Variants in CLEC1A observed in about 807,000 individuals in gnomAD.
The protein encoded by CLEC1A is C-type lectin domain family 1 member A.
Under a neutral mutation model 28.7 loss-of-function variants are expected in CLEC1A, and 34 were observed. That is an observed-to-expected ratio of 1.18 (90% CI 0.90 to 1.57). The LOEUF is 1.57. CLEC1A is among the 40% of genes most tolerant of loss of function. CLEC1A has a pLI of 0.00. For missense variants in CLEC1A, 385 were observed against 339.5 expected (o/e 1.13, Z -1.05); for synonymous variants, 116 against 121.0 (o/e 0.96, Z 0.27).
chr12:10,079,571 C>T (rs995457772), intron 3 of CLEC1A, among the ~76,000 whole-genome samples: 1 of 151,934 alleles, frequency 6.6e-6, no homozygotes, highest in African/African-American at 2.4e-5. Context: ...CCTGTAATCC[C>T]AGCAGTTGGG....
chr12:10,098,824 T>G lies in CLEC1A; in HGVS notation c.99A>C (p.Pro33=), dbSNP rs1947811830. ...HSQGSATTRH[P]EPRRTEHRAP... ...ACAGGGTACCTGTGCGCCGGGGCTC[T>G]GGATGCCGAGTTGTGGCAGAGCCTT... is the stretch of plus-strand genomic sequence containing the variant. The change falls in exon 1 of 6, where the codon CCA becomes CCC. Residue 33 remains proline (P), a synonymous_variant. Coordinates refer to ENST00000315330, the MANE Select transcript of CLEC1A (RefSeq NM_016511.4). 1 of 1,612,998 alleles carries G rather than the reference T, an allele frequency of 6.2e-7. No individual in the cohort carries two copies. The highest frequency in any genetic ancestry group is 2.2e-5 in the East Asian group (1 of 44,870).
chr12:10,080,311 T>TC (rs550733461), intron 3 of CLEC1A, among the ~76,000 whole-genome samples: 11 of 151,000 alleles, frequency 7.3e-5, no homozygotes, highest in Non-Finnish European at 1.3e-4. Flanking sequence ...AGACTCCATC[T>TC]CCCCCCACCC....
chr12:10,094,170 T>G (rs1947746613), intron 1 of CLEC1A, among the ~76,000 whole-genome samples: 1 of 152,122 alleles, frequency 6.6e-6, no homozygotes, highest in Admixed American at 6.5e-5. Context: ...TATTATTTAC[T>G]GAAATATAAT....
At position 10,081,230 on chromosome 12, in the gene CLEC1A, C is replaced by T. The variant is rs868516572; in HGVS notation, c.391+7G>A. Reference sequence around the variant, plus strand: ...ACATGGGGACAGAGTGACCAGGACACACTTACCTCCAGCTTTGTTATACAG... The same window carrying T: ...ACATGGGGACAGAGTGACCAGGACATACTTACCTCCAGCTTTGTTATACAG... On this transcript the variant is annotated splice_region_variant and intron_variant, in intron 3 of 5. Coordinates refer to ENST00000315330, the MANE Select transcript of CLEC1A (RefSeq NM_016511.4). 19 of 1,563,856 alleles carry T rather than the reference C, an allele frequency of 1.2e-5. 1 individual carries two copies. The Middle Eastern group carries it at 2.4e-3, about 195-fold the overall frequency.
intron 2 of CLEC1A, among the ~76,000 whole-genome samples, chr12:10,088,817 G>T (rs1218993409): frequency 3.3e-5 from 5 of 152,102 alleles, no homozygotes; most frequent in Non-Finnish European, 5.9e-5. Flanking sequence ...GTCTTTTGTG[G>T]AATGGGAGAG....
chr12:10,089,113 C>CGCA lies in CLEC1A; in HGVS notation c.214+8_214+10dup. 6.2e-7 allele frequency: 1 copy of CGCA among 1,604,874 alleles called. No individual in the cohort carries two copies. The highest frequency in any genetic ancestry group is 1.3e-5 in the African/African-American group (1 of 74,864). ...ACCAGGATCCTCCCCCAGGTCAGAGCGCAGACTTACACAAAAGCCCCAGGG... is the reference window on the plus strand; with the variant it reads ...ACCAGGATCCTCCCCCAGGTCAGAGCGCAGCAGACTTACACAAAAGCCCCAGGG... On this transcript the variant is annotated intron_variant, in intron 2 of 5. Coordinates refer to ENST00000315330, the MANE Select transcript of CLEC1A (RefSeq NM_016511.4).
rs1270056415 is a variant in CLEC1A, at chr12:10,098,818, GGGCTCTGGATGCCGA to G, written c.90_104del (p.His32_Arg36del). 2 of 1,612,250 alleles carry G rather than the reference GGGCTCTGGATGCCGA, an allele frequency of 1.2e-6. No homozygotes were observed. The highest frequency in any genetic ancestry group is 2.7e-5 in the African/African-American group (2 of 74,964). ...CAGGAGACAGGGTACCTGTGCGCCGGGGCTCTGGATGCCGAGTTGTGGCAGAGCCTTGAGAATGCA... is the reference window on the plus strand; with the variant it reads ...CAGGAGACAGGGTACCTGTGCGCCGGGTTGTGGCAGAGCCTTGAGAATGCA... On this transcript the variant is annotated inframe_deletion, in exon 1 of 6. Coordinates refer to ENST00000315330, the MANE Select transcript of CLEC1A (RefSeq NM_016511.4).
At chr12:10,093,769 G>T (rs1455501416) in intron 1 of CLEC1A, among the ~76,000 whole-genome samples, 1 of 152,042 alleles carries the variant, frequency 6.6e-6, no homozygotes, top group Non-Finnish European at 1.5e-5. Flanking sequence ...GGGCAAAACT[G>T]GTGGCAATGT....
In CLEC1A at chr12:10,081,428, C is replaced by T. The variant is rs915220842; in HGVS notation, c.215-15G>A. On this transcript the variant is annotated splice_polypyrimidine_tract_variant and intron_variant, in intron 2 of 5. Transcript: ENST00000315330. ...GTACTGAAAAACTAACCCAAATGAC[C>T]AAGTCAGACTGGACAGCTTATTTCT... 1.9e-6 allele frequency: 3 copies of T among 1,584,102 alleles called. No homozygotes were observed. The highest frequency in any genetic ancestry group is 1.8e-5 in the Admixed American group (1 of 55,060).
chr12:10,077,929 T>C (rs1331034952), intron 3 of CLEC1A, among the ~76,000 whole-genome samples: 3 of 152,176 alleles, frequency 2.0e-5, no homozygotes, highest in African/African-American at 7.2e-5. Flanking sequence ...CAGAGAATTC[T>C]TCTTCCTTTC....
intron 2 of CLEC1A, among the ~76,000 whole-genome samples, chr12:10,087,472 T>TTATATATATATATATA (rs200437169): frequency 1.3e-5 from 1 of 75,204 alleles, no homozygotes; most frequent in African/African-American, 6.5e-5. Flanking sequence ...TACCTCAAAG[T>TTATATATATATATATA]TATATATATA....
chr12:10,095,572 G>T (rs1947766447), intron 1 of CLEC1A, among the ~76,000 whole-genome samples: 1 of 152,248 alleles, frequency 6.6e-6, no homozygotes. Flanking sequence ...AAGAGAAAAT[G>T]ACTTAAATTG....
At chr12:10,081,020 T>C (rs1288925312) in intron 3 of CLEC1A, among the ~76,000 whole-genome samples, 1 of 152,224 alleles carries the variant, frequency 6.6e-6, no homozygotes, top group Non-Finnish European at 1.5e-5. Context: ...TTTTATTGTT[T>C]TAAAATGTCT....
intron 1 of CLEC1A, among the ~76,000 whole-genome samples, chr12:10,095,554 GAA>G (rs1448206297): frequency 6.6e-6 from 1 of 152,056 alleles, no homozygotes; most frequent in Non-Finnish European, 1.5e-5. Context: ...AAAAAAGAGA[GAA>G]AGAAAAAGAG....
At chr12:10,087,098 G>A (rs978841743) in intron 2 of CLEC1A, among the ~76,000 whole-genome samples, 4 of 150,446 alleles carry the variant, frequency 2.7e-5, no homozygotes, top group Admixed American at 1.3e-4. Flanking sequence ...TCAGCTACTC[G>A]GGAGGCTGAG....
At chr12:10,096,941 G>C (rs758007312) in intron 1 of CLEC1A, among the ~76,000 whole-genome samples, 1 of 152,096 alleles carries the variant, frequency 6.6e-6, no homozygotes, top group Non-Finnish European at 1.5e-5. Flanking sequence ...CGGCTGTACT[G>C]TACATGCTTC....
chr12:10,096,078 A>G (rs1947772699), intron 1 of CLEC1A, among the ~76,000 whole-genome samples: 1 of 152,020 alleles, frequency 6.6e-6, no homozygotes, highest in Non-Finnish European at 1.5e-5. Flanking sequence ...TACCTCATTT[A>G]CTTTATTTAT....
In CLEC1A at chr12:10,076,928, T is replaced by G. The variant is rs1292326503; in HGVS notation, c.392-1273A>C. ...CTGGATTCAATAAATAAAAACTATG[T>G]AACTGCAATTTTGGTACAGTGTATT... is the stretch of plus-strand genomic sequence containing the variant. On this transcript the variant is annotated intron_variant, in intron 3 of 5. Transcript: ENST00000315330. 4.0e-5 allele frequency among the ~76,000 whole-genome samples: 6 copies of G among 149,648 alleles called. No homozygotes were observed. In the East Asian group the frequency reaches 1.2e-3, roughly 29 times the overall value.
chr12:10,081,479 TGG>T, intron 2 of CLEC1A, 66 bp from the exon 3 acceptor site: 2 of 1,335,792 alleles, frequency 1.5e-6, no homozygotes, highest in Non-Finnish European at 2.0e-6. Flanking sequence ...TTTCTGCTTA[TGG>T]GGAAGACAAA....
Sources: allele counts gnomAD v4.1 joint callset (sites outside exome capture counted in the v4.1 genomes callset), GRCh38; gene constraint gnomAD v4.1.1; transcripts MANE v1.5; gene names NCBI Gene and HGNC (gene_info 2026-07-23, HGNC 2026-07-21).